WNK3: variants seen among roughly 807,000 people sequenced by gnomAD.
The protein encoded by WNK3 is serine/threonine-protein kinase WNK3.
Under a neutral mutation model 116.7 loss-of-function variants are expected in WNK3, and 18 were observed. The ratio of observed to expected loss-of-function variants is 0.15; its 90% CI spans 0.11 to 0.23. The LOEUF (loss-of-function observed/expected upper bound fraction) is 0.23. Ranked by LOEUF, WNK3 falls within the 10% of genes least tolerant of loss-of-function variation. WNK3 has a pLI of 1.00. For synonymous variants in WNK3, 404 were observed against 469.4 expected (o/e 0.86, Z 1.80); for missense variants, 993 against 1,323.8 (o/e 0.75, Z 3.88).
intron 10 of WNK3, among the ~76,000 whole-genome samples, chrX:54,275,398 G>A (rs2068432015): frequency 1.0e-5 from 1 of 96,712 alleles, no homozygotes; most frequent in Non-Finnish European, 2.0e-5. Flanking sequence ...GTCGGTATCT[G>A]TAGGGTATAA....
At chrX:54,259,451 T>C (rs2068233633) in intron 10 of WNK3, 113 bp from the exon 11 acceptor site, 1 of 367,429 alleles carries the variant, frequency 2.7e-6, no homozygotes, top group Admixed American at 4.9e-5. Context: ...GCAAACCTGG[T>C]AGAATATCTA....
exon 24 of WNK3, chrX:54,198,601 T>G (rs782139722): frequency 7.5e-6 from 9 of 1,207,887 alleles, no homozygotes; most frequent in Non-Finnish European, 1.1e-6. Context: ...TCCACGGATT[T>G]GGGACAGAGA....
chrX:54,203,609 CAGA>C (rs1427170460), intron 22 of WNK3, among the ~76,000 whole-genome samples: 2 of 111,001 alleles, frequency 1.8e-5, no homozygotes, highest in African/African-American at 6.6e-5. Flanking sequence ...AACTGGGACC[CAGA>C]AGATTAACAA....
intron 17 of WNK3, among the ~76,000 whole-genome samples, chrX:54,246,275 A>G (rs1330688323): frequency 8.9e-6 from 1 of 111,903 alleles, no homozygotes; most frequent in Non-Finnish European, 1.9e-5. Flanking sequence ...AGAAAGATTT[A>G]AAAAATCAAA....
chrX:54,227,059 CAA>C (rs1557148038), intron 22 of WNK3, among the ~76,000 whole-genome samples: 1 of 111,607 alleles, frequency 9.0e-6, no homozygotes, highest in Non-Finnish European at 1.9e-5. Context: ...TTTTGTGCTT[CAA>C]AAGACACTAT....
At chrX:54,198,136 G>A in exon 24 of WNK3, 1 of 361,533 alleles carries the variant, frequency 2.8e-6, no homozygotes, top group Non-Finnish European at 4.7e-6. Context: ...TGTTCTATCT[G>A]CAAACTGCAC....
exon 19 of WNK3, chrX:54,238,353 C>T: frequency 2.5e-6 from 3 of 1,204,477 alleles, no homozygotes; most frequent in Non-Finnish European, 3.4e-6. Flanking sequence ...TGGAACCGAC[C>T]CCGCTGAAAT....
At chrX:54,283,625 C>T (rs965042516) in intron 10 of WNK3, among the ~76,000 whole-genome samples, 183 of 108,941 alleles carry the variant, frequency 1.7e-3, no homozygotes, top group African/African-American at 5.4e-3. Flanking sequence ...AAAAATTAGC[C>T]GGGCGTGGTG....
At chrX:54,315,277 T>C (rs1030192743) in intron 2 of WNK3, among the ~76,000 whole-genome samples, 14 of 95,329 alleles carry the variant, frequency 1.5e-4, no homozygotes, top group Non-Finnish European at 2.7e-4. Flanking sequence ...CACTCCAGCC[T>C]GGGCAACAGA....
intron 21 of WNK3, among the ~76,000 whole-genome samples, chrX:54,232,093 A>G (rs868914411): frequency 2.0e-5 from 2 of 98,690 alleles, no homozygotes; most frequent in Non-Finnish European, 4.0e-5. Flanking sequence ...GTGTCTGTGT[A>G]TATGTGTGTG....
chrX:54,207,947 T>C (rs1389821908), intron 22 of WNK3, among the ~76,000 whole-genome samples: 8 of 110,645 alleles, frequency 7.2e-5, no homozygotes, highest in African/African-American at 2.3e-4. Flanking sequence ...TGCAGTATAA[T>C]AGTTAAAAGC....
intron 1 of WNK3, among the ~76,000 whole-genome samples, chrX:54,345,785 CAAAAAAAAAA>C (rs372848363): frequency 2.5e-5 from 1 of 40,460 alleles, no homozygotes; most frequent in African/African-American, 9.2e-5. Flanking sequence ...GACTCAGTAT[CAAAAAAAAAA>C]AAAAAAAGAA....
intron 22 of WNK3, among the ~76,000 whole-genome samples, chrX:54,203,285 T>C (rs1321833486): frequency 8.9e-6 from 1 of 112,127 alleles, no homozygotes; most frequent in East Asian, 2.8e-4. Flanking sequence ...TTACTCATGC[T>C]TATGATATCA....
intron 16 of WNK3, 58 bp downstream of exon 16, chrX:54,249,936 T>G (rs1317310541): frequency 1.8e-6 from 2 of 1,126,485 alleles, no homozygotes; most frequent in African/African-American, 3.7e-5. Flanking sequence ...AGATATCATA[T>G]GTATTTTGCA....
intron 1 of WNK3, among the ~76,000 whole-genome samples, chrX:54,351,602 C>A (rs782727319): frequency 4.5e-5 from 5 of 110,870 alleles, no homozygotes; most frequent in Non-Finnish European, 9.4e-5. Context: ...AAGACCTTAT[C>A]TCTATTTTTA....
At chrX:54,341,612 TA>T (rs200342739) in intron 1 of WNK3, among the ~76,000 whole-genome samples, 3 of 106,083 alleles carry the variant, frequency 2.8e-5, no homozygotes, top group African/African-American at 6.9e-5. Flanking sequence ...TAAAAAATAA[TA>T]AAAAAAAAGG....
At position 54,254,018 on chromosome X, in the gene WNK3, T is replaced by C; in HGVS notation, c.2308A>G (p.Met770Val). 8.3e-7 allele frequency: 1 copy of C among 1,209,949 alleles called. No individual in the cohort carries two copies. Among genetic ancestry groups the C allele is most frequent in the Non-Finnish European group, 1.1e-6 (1 of 894,525 alleles). The change falls in exon 13 of 24, where the codon ATG becomes GTG. Residue 770 changes from methionine to valine, a missense_variant. This residue lies in a region of WNK3 where 836 missense variants were observed against 976.5 expected (regional missense o/e 0.86). Coordinates refer to ENST00000354646, the Ensembl canonical transcript of WNK3. ...TCAACATCAAACTTGAAGGTGACCA[T>C]CTTGTTGTTGTGTGTCTCCAGCTGA...
At chrX:54,300,955 G>T (rs2068750845) in intron 6 of WNK3, among the ~76,000 whole-genome samples, 1 of 111,340 alleles carries the variant, frequency 9.0e-6, no homozygotes, top group Non-Finnish European at 1.9e-5. Context: ...AAACTAAAGG[G>T]AGGCAGGTTG....
chrX:54,247,650 A>G (rs2146922178), intron 17 of WNK3, among the ~76,000 whole-genome samples: 1 of 110,485 alleles, frequency 9.1e-6, no homozygotes, highest in Non-Finnish European at 1.9e-5. Context: ...ACTTGTACGT[A>G]GTACATATAT....
Sources: gnomAD v4.1 joint callset for allele counts (sites outside exome capture counted in the v4.1 genomes callset) on GRCh38, gnomAD v4.1.1 for gene constraint, gnomAD v4.1.1 regional missense constraint, MANE v1.5 for transcripts, NCBI Gene and HGNC (gene_info 2026-07-23, HGNC 2026-07-21) for gene names.